SEC23B: variants seen among roughly 807,000 people sequenced by gnomAD.
SEC23B encodes the protein SEC23 homolog B, COPII component.
A neutral mutation model predicts 104.3 loss-of-function variants in SEC23B; 77 were observed. That is an observed-to-expected ratio of 0.74 (90% CI 0.61 to 0.89). SEC23B has a LOEUF of 0.89. SEC23B is among the 40% of genes least tolerant of loss of function. SEC23B has a pLI of 0.00. For synonymous variants in SEC23B, 338 were observed against 332.5 expected (o/e 1.02, Z -0.18); for missense variants, 885 against 949.4 (o/e 0.93, Z 0.89).
At chr20:18,522,967 T>C (rs2060097597) in intron 4 of SEC23B, among the ~76,000 whole-genome samples, 2 of 151,812 alleles carry the variant, frequency 1.3e-5, no homozygotes, top group African/African-American at 4.8e-5. Context: ...CTTGGGAGGC[T>C]GAGGCAGGAG....
intron 12 of SEC23B, among the ~76,000 whole-genome samples, chr20:18,541,233 C>T (rs923296851): frequency 1.3e-5 from 2 of 152,218 alleles, no homozygotes; most frequent in East Asian, 3.8e-4. Flanking sequence ...TGGATTAGGC[C>T]CTGGCTTAAG....
intron 1 of SEC23B, among the ~76,000 whole-genome samples, chr20:18,510,502 C>T (rs1402322207): frequency 1.3e-5 from 2 of 152,162 alleles, no homozygotes; most frequent in Non-Finnish European, 2.9e-5. Context: ...CAGTGGGTCA[C>T]GCCTGTAATC....
chr20:18,525,503 AT>A (rs566569452), intron 6 of SEC23B, among the ~76,000 whole-genome samples: 1 of 152,260 alleles, frequency 6.6e-6, no homozygotes, highest in Non-Finnish European at 1.5e-5. Context: ...TGTCCTTAGG[AT>A]TTTTTTGCTG....
intron 4 of SEC23B, 105 bp downstream of exon 4, chr20:18,515,841 G>T (rs1211624473): frequency 2.6e-6 from 2 of 764,960 alleles, no homozygotes; most frequent in Admixed American, 3.8e-5. Context: ...TTAAAGCTGT[G>T]AGGGCAGCAG....
At chr20:18,535,008 C>G (rs1300947462) in intron 11 of SEC23B, among the ~76,000 whole-genome samples, 1 of 152,122 alleles carries the variant, frequency 6.6e-6, no homozygotes, top group Non-Finnish European at 1.5e-5. Context: ...AAGGTGAACC[C>G]CCGTGAATCC....
At chr20:18,546,810 G>A (rs746405037) in intron 15 of SEC23B, among the ~76,000 whole-genome samples, 3 of 152,044 alleles carry the variant, frequency 2.0e-5, no homozygotes, top group Non-Finnish European at 2.9e-5. Context: ...TGCTGGCTCC[G>A]CAGGGGCTGA....
chr20:18,541,334 G>A (rs1001985741), intron 12 of SEC23B, among the ~76,000 whole-genome samples: 10 of 152,188 alleles, frequency 6.6e-5, no homozygotes, highest in East Asian at 1.9e-4. Flanking sequence ...TATCATTCAC[G>A]TGTTCACTTT....
At chr20:18,514,449 T>C (rs2060007391) in intron 3 of SEC23B, among the ~76,000 whole-genome samples, 1 of 152,160 alleles carries the variant, frequency 6.6e-6, no homozygotes, top group Admixed American at 6.5e-5. Context: ...GCTCGCAAGC[T>C]CAGTTGTACC....
intron 17 of SEC23B, 139 bp downstream of exon 17, chr20:18,551,314 T>C: frequency 1.6e-6 from 1 of 616,376 alleles, no homozygotes; most frequent in Non-Finnish European, 2.8e-6. Context: ...TTAAGTTAGG[T>C]TTTTAATGAC....
intron 2 of SEC23B, 58 bp downstream of exon 2, chr20:18,511,114 G>A (rs1034209501): frequency 7.8e-5 from 108 of 1,378,728 alleles, no homozygotes; most frequent in Admixed American, 7.7e-4. Context: ...TGAATTTTAT[G>A]TGATGCTCAT....
intron 9 of SEC23B, among the ~76,000 whole-genome samples, chr20:18,528,383 T>C (rs1456736046): frequency 6.6e-6 from 1 of 152,254 alleles, no homozygotes; most frequent in African/African-American, 2.4e-5. Context: ...GGCATCAGCA[T>C]TTTAAAAGTT....
intron 17 of SEC23B, 73 bp from the exon 18 acceptor site, chr20:18,554,162 G>A: frequency 1.3e-6 from 2 of 1,551,520 alleles, no homozygotes; most frequent in South Asian, 2.2e-5. Flanking sequence ...GGTGGCGATG[G>A]TAGAATGTCA....
intron 4 of SEC23B, among the ~76,000 whole-genome samples, chr20:18,522,232 A>T (rs866622093): frequency 4.6e-5 from 7 of 152,202 alleles, no homozygotes; most frequent in Non-Finnish European, 7.3e-5. Context: ...ACTTGTCACC[A>T]AGGGAATGTG....
intron 8 of SEC23B, among the ~76,000 whole-genome samples, chr20:18,526,845 C>T (rs1056176873): frequency 7.9e-5 from 12 of 152,080 alleles, no homozygotes; most frequent in South Asian, 2.1e-4. Flanking sequence ...TTTGGGAGGC[C>T]GAGGCTGGCA....
At chr20:18,524,709 T>C in intron 5 of SEC23B, 40 bp downstream of exon 5, 1 of 1,543,244 alleles carries the variant, frequency 6.5e-7, no homozygotes, top group African/African-American at 1.4e-5. Context: ...ACAAGGACTT[T>C]TTTTTAAAAG....
chr20:18,523,908 G>A (rs1468399947), intron 4 of SEC23B, among the ~76,000 whole-genome samples: 4 of 151,900 alleles, frequency 2.6e-5, no homozygotes, highest in Non-Finnish European at 5.9e-5. Flanking sequence ...TTAGAGACGG[G>A]GTCTCGCCAT....
intron 2 of SEC23B, among the ~76,000 whole-genome samples, chr20:18,511,447 T>C (rs1176003806): frequency 6.6e-6 from 1 of 152,124 alleles, no homozygotes; most frequent in Non-Finnish European, 1.5e-5. Flanking sequence ...TGATGCTATA[T>C]GGCAAGGAGA....
intron 17 of SEC23B, among the ~76,000 whole-genome samples, chr20:18,552,762 T>C (rs1172866397): frequency 2.6e-5 from 4 of 152,008 alleles, no homozygotes; most frequent in Non-Finnish European, 5.9e-5. Flanking sequence ...TTCAGTGAGC[T>C]AAGATCGAGC....
Position 18,532,070 on chromosome 20 carries a change from C to A in SEC23B, c.1234-594C>A, listed in dbSNP as rs13045976. ...GCCAGTTGGCGGGGCAGGTCAGGGG[C>A]CGTCATTAGAAGATACGATTGGAAT... On this transcript the variant is annotated intron_variant, in intron 10 of 19. Transcript: ENST00000650089. Among the ~76,000 whole-genome samples, 525 of 152,142 alleles carry A rather than the reference C, an allele frequency of 3.5e-3. 3 individuals carry two copies. The highest frequency in any genetic ancestry group is 6.0e-3 in the Non-Finnish European group (410 of 67,996).
Sources: allele counts gnomAD v4.1 joint callset (sites outside exome capture counted in the v4.1 genomes callset), GRCh38; gene constraint gnomAD v4.1.1; transcripts MANE v1.5; gene names NCBI Gene and HGNC (gene_info 2026-07-23, HGNC 2026-07-21).